Variants in CNOT6L observed in about 807,000 individuals in gnomAD.
The protein encoded by CNOT6L is CCR4-NOT transcription complex subunit 6-like.
Under a neutral mutation model 64.0 loss-of-function variants are expected in CNOT6L, and 7 were observed. The observed-to-expected ratio is 0.11, with a 90% confidence interval of 0.06 to 0.21. The LOEUF (loss-of-function observed/expected upper bound fraction) is 0.21. CNOT6L is among the 10% of genes least tolerant of loss of function. The pLI, the probability that CNOT6L is intolerant of heterozygous loss-of-function variation, is 1.00. For missense variants in CNOT6L, 245 were observed against 669.0 expected (o/e 0.37, Z 6.99); for synonymous variants, 193 against 243.4 (o/e 0.79, Z 1.93).
intron 6 of CNOT6L, among the ~76,000 whole-genome samples, chr4:77,746,563 GA>G (rs1313525659): frequency 6.6e-6 from 1 of 152,120 alleles, no homozygotes; most frequent in East Asian, 1.9e-4. Context: ...CCCAAGAACA[GA>G]TTACTTTGAG....
In CNOT6L at chr4:77,742,254, T is replaced by C; in HGVS notation, c.759A>G (p.Ala253=). Residue 253 remains alanine (A), a synonymous_variant, in exon 8 of 12, where the codon GCA becomes GCG. Transcript: ENST00000504123. ...TEQYFTLFLP[A]LKERGYDGFF... ...ATCCATCATATCCACGCTCCTTCAA[T>C]GCTGGCAGAAAGAGAGTGAAGTATT... The C allele has an allele frequency of 6.2e-7, 1 of 1,612,764 alleles. No individual in the cohort carries two copies. Among genetic ancestry groups the C allele is most frequent in the Non-Finnish European group, 8.5e-7 (1 of 1,179,344 alleles).
chr4:77,773,297 C>T (rs756528885), intron 3 of CNOT6L, 131 bp from the exon 4 acceptor site: 1 of 567,040 alleles, frequency 1.8e-6, no homozygotes, highest in Admixed American at 3.7e-5. Flanking sequence ...TCTATGTGCT[C>T]ATCCAAAAAC....
chr4:77,729,132 G>A (rs547900149), intron 9 of CNOT6L, 51 bp from the exon 10 acceptor site: 10 of 1,417,082 alleles, frequency 7.1e-6, no homozygotes, highest in East Asian at 4.6e-5. Flanking sequence ...TATGTTTGAA[G>A]AAATGTGGCA....
chr4:77,816,071 C>G (rs545783140), intron 1 of CNOT6L, among the ~76,000 whole-genome samples: 1 of 152,318 alleles, frequency 6.6e-6, no homozygotes, highest in African/African-American at 2.4e-5. Flanking sequence ...GGAAAGATTG[C>G]TTAAAAGCCC....
chr4:77,784,395 C>T (rs976935776), intron 1 of CNOT6L, among the ~76,000 whole-genome samples: 6 of 152,108 alleles, frequency 3.9e-5, no homozygotes, highest in Non-Finnish European at 8.8e-5. Context: ...TATGATTTTC[C>T]TCCCAGAATT....
chr4:77,740,463 C>T (rs780167435), intron 8 of CNOT6L, among the ~76,000 whole-genome samples: 4 of 152,116 alleles, frequency 2.6e-5, no homozygotes, highest in African/African-American at 4.8e-5. Context: ...AAAGCTCAAA[C>T]AAGAAGGCTA....
intron 1 of CNOT6L, among the ~76,000 whole-genome samples, chr4:77,795,413 G>A (rs1730721878): frequency 1.3e-5 from 2 of 152,196 alleles, no homozygotes; most frequent in South Asian, 2.1e-4. Flanking sequence ...GTTTAGCTCT[G>A]TGTCCACACC....
At position 77,773,165 on chromosome 4, in the gene CNOT6L, C is replaced by T; in HGVS notation, c.316G>A (p.Glu106Lys). ...AACAGATTGTTATTTAAAAGCAATT[C>T]CCTGTTTTAAAAAAAAAAAAAAAAT... The part of the protein sequence containing the change: ...AELGNMVSLR[E>K]LLLNNNLLRV... Residue 106 changes from glutamate (E) to lysine (K), a missense_variant and splice_region_variant, in exon 4 of 12, where the codon GAA becomes AAA. Glu to Lys is a moderately conservative substitution (Grantham distance 56). Around this residue, in one of 10 missense-constraint regions of CNOT6L, gnomAD observed 78 missense variants for 137.6 expected, o/e 0.57. Transcript: ENST00000504123. 6.5e-7 allele frequency: 1 copy of T among 1,547,354 alleles called. No homozygotes were observed. Among genetic ancestry groups the T allele is most frequent in the Non-Finnish European group, 8.7e-7 (1 of 1,151,796 alleles).
At chr4:77,758,121 T>C (rs1725770785) in intron 4 of CNOT6L, among the ~76,000 whole-genome samples, 1 of 152,212 alleles carries the variant, frequency 6.6e-6, no homozygotes, top group South Asian at 2.1e-4. Flanking sequence ...GTTGGTAGTT[T>C]CTAATTGACT....
rs79528775 is a variant in CNOT6L at position 77,815,121 on chromosome 4, T to C, written c.5+4183A>G. On this transcript the variant is annotated intron_variant, in intron 1 of 11. Transcript: ENST00000504123. ...ATTTCCCTCAAAGTATAAAGTAATC[T>C]TCATCACCTATCCCAATAACAGAGG... is the stretch of plus-strand genomic sequence containing the variant. Among the ~76,000 whole-genome samples the C allele has an allele frequency of 6.3e-3, 958 of 152,292 alleles. 10 individuals carry two copies. The highest frequency in any genetic ancestry group is 0.016 in the African/African-American group (680 of 41,558).
intron 1 of CNOT6L, among the ~76,000 whole-genome samples, chr4:77,800,530 AAAT>A (rs1391984447): frequency 6.6e-6 from 1 of 152,194 alleles, no homozygotes; most frequent in African/African-American, 2.4e-5. Flanking sequence ...AAATTAAAAA[AAAT>A]AAAGTCTTGT....
chr4:77,806,776 GT>G (rs1732273017), intron 1 of CNOT6L, among the ~76,000 whole-genome samples: 1 of 152,142 alleles, frequency 6.6e-6, no homozygotes, highest in South Asian at 2.1e-4. Flanking sequence ...TTAACCTCAT[GT>G]TCCCACTCGA....
intron 8 of CNOT6L, among the ~76,000 whole-genome samples, chr4:77,736,209 A>T (rs1577929506): frequency 6.6e-6 from 1 of 152,308 alleles, no homozygotes; most frequent in East Asian, 1.9e-4. Flanking sequence ...AAGTTTTATC[A>T]CTTCAGCTTC....
At chr4:77,727,944 T>C (rs1035606754) in intron 10 of CNOT6L, among the ~76,000 whole-genome samples, 4 of 152,232 alleles carry the variant, frequency 2.6e-5, no homozygotes, top group African/African-American at 7.2e-5. Flanking sequence ...GGTTATCTTA[T>C]AGTAACCTTA....
intron 1 of CNOT6L, among the ~76,000 whole-genome samples, chr4:77,783,906 T>C (rs998607346): frequency 3.4e-5 from 5 of 148,848 alleles, no homozygotes; most frequent in African/African-American, 4.9e-5. Flanking sequence ...TTAAATATAT[T>C]AATATTTAAT....
intron 8 of CNOT6L, among the ~76,000 whole-genome samples, chr4:77,738,753 C>CAAAAAA (rs33932934): frequency 9.6e-5 from 11 of 114,142 alleles, no homozygotes; most frequent in African/African-American, 3.9e-4. Context: ...AACTCCGTCT[C>CAAAAAA]AAAAAAAAAA....
chr4:77,798,392 AATGTAT>A (rs1181512685), intron 1 of CNOT6L, among the ~76,000 whole-genome samples: 1 of 152,246 alleles, frequency 6.6e-6, no homozygotes, highest in Non-Finnish European at 1.5e-5. Flanking sequence ...TATGATAAAG[AATGTAT>A]ATCCAACATA....
chr4:77,782,206 C>T (rs1728937782), intron 1 of CNOT6L, among the ~76,000 whole-genome samples: 1 of 152,190 alleles, frequency 6.6e-6, no homozygotes. Flanking sequence ...AACTATCCTT[C>T]CCATCTGGTC....
At chr4:77,819,036 C>T (rs1304671752) in intron 1 of CNOT6L, 1 of 604,088 alleles carries the variant, frequency 1.7e-6, no homozygotes, top group South Asian at 1.7e-5. Flanking sequence ...GGTCCCGGCC[C>T]CGGGCCACCC....
Sources: allele counts gnomAD v4.1 joint callset (sites outside exome capture counted in the v4.1 genomes callset), GRCh38; gene constraint gnomAD v4.1.1; regional missense constraint gnomAD v4.1.1; transcripts MANE v1.5; gene names NCBI Gene and HGNC (gene_info 2026-07-23, HGNC 2026-07-21).